The following MMS22L variants were observed in gnomAD, a reference collection of about 807,000 sequenced individuals.
MMS22L encodes protein MMS22-like.
A neutral mutation model predicts 159.1 loss-of-function variants in MMS22L; 74 were observed. The observed-to-expected ratio is 0.47, with a 90% CI of 0.39 to 0.56. The LOEUF is 0.56. Ranked by LOEUF, MMS22L falls within the 20% of genes least tolerant of loss-of-function variation. MMS22L has a pLI of 0.00. For missense variants in MMS22L, 1,351 were observed against 1,422.1 expected, an observed-to-expected ratio of 0.95 and a Z score of 0.80; for synonymous variants, 517 against 506.9, an observed-to-expected ratio of 1.02 and a Z score of -0.27.
chr6:97,204,937 C>CT (rs1222516541), intron 14 of MMS22L, among the ~76,000 whole-genome samples: 2,610 of 52,334 alleles, frequency 0.05, 182 homozygotes, highest in Admixed American at 0.11. Context: ...TGTACAGTGT[C>CT]TTTTTTTTTT....
intron 18 of MMS22L, among the ~76,000 whole-genome samples, chr6:97,177,462 T>C (rs757216469): frequency 6.6e-6 from 1 of 152,146 alleles, no homozygotes; most frequent in Non-Finnish European, 1.5e-5. Context: ...TTATCTAGCA[T>C]TCAGCAAAAA....
At chr6:97,217,656 G>A (rs1809165793) in intron 14 of MMS22L, among the ~76,000 whole-genome samples, 1 of 152,176 alleles carries the variant, frequency 6.6e-6, no homozygotes, top group African/African-American at 2.4e-5. Context: ...TACAACTACA[G>A]ATTATAATCA....
chr6:97,205,439 T>TG (rs1238013907), intron 14 of MMS22L, among the ~76,000 whole-genome samples: 8 of 152,150 alleles, frequency 5.3e-5, no homozygotes, highest in African/African-American at 1.7e-4. Context: ...TGACCAACAG[T>TG]GCCTTAGTTT....
chr6:97,221,836 AGAG>A (rs1809689947), intron 14 of MMS22L, among the ~76,000 whole-genome samples: 1 of 152,048 alleles, frequency 6.6e-6, no homozygotes, highest in African/African-American at 2.4e-5. Context: ...ATATAATGAA[AGAG>A]CAGACATTTT....
intron 14 of MMS22L, among the ~76,000 whole-genome samples, chr6:97,215,006 A>C (rs891935461): frequency 1.1e-4 from 17 of 150,684 alleles, no homozygotes; most frequent in Admixed American, 3.3e-4. Context: ...TCACTTCATA[A>C]ATGGATTAAT....
intron 8 of MMS22L, 140 bp from the exon 9 acceptor site, chr6:97,263,588 TG>T: frequency 2.3e-6 from 1 of 431,982 alleles, no homozygotes. Flanking sequence ...TTATTGAAAA[TG>T]TGCAATTTCA....
intron 4 of MMS22L, among the ~76,000 whole-genome samples, chr6:97,275,803 G>C (rs1816190659): frequency 6.6e-6 from 1 of 152,082 alleles, no homozygotes; most frequent in African/African-American, 2.4e-5. Flanking sequence ...CCAGAAGTTT[G>C]AGACCAGTCT....
intron 22 of MMS22L, among the ~76,000 whole-genome samples, chr6:97,153,241 G>A (rs1355776556): frequency 6.6e-6 from 1 of 151,718 alleles, no homozygotes; most frequent in Non-Finnish European, 1.5e-5. Context: ...AGTATATTCA[G>A]AGTTGTACAA....
At chr6:97,159,591 T>C (rs558425492) in intron 22 of MMS22L, among the ~76,000 whole-genome samples, 47 of 152,006 alleles carry the variant, frequency 3.1e-4, no homozygotes, top group Non-Finnish European at 3.5e-4. Flanking sequence ...ATATCTTAAC[T>C]TCTGCTATAT....
intron 14 of MMS22L, among the ~76,000 whole-genome samples, chr6:97,203,439 T>C (rs1807396643): frequency 6.6e-6 from 1 of 152,196 alleles, no homozygotes; most frequent in Admixed American, 6.5e-5. Context: ...CTGGGAAGGA[T>C]TAGCCTGCTT....
chr6:97,165,589 G>A, intron 20 of MMS22L, 132 bp from the exon 21 acceptor site: 3 of 732,586 alleles, frequency 4.1e-6, no homozygotes, highest in South Asian at 1.9e-5. Flanking sequence ...GATACCTCAC[G>A]TAATCCACAG....
At chr6:97,147,507 C>T (rs1040946820) in intron 24 of MMS22L, among the ~76,000 whole-genome samples, 3 of 152,156 alleles carry the variant, frequency 2.0e-5, no homozygotes, top group African/African-American at 7.2e-5. Context: ...CCTGCATAAC[C>T]ACACAAGGTA....
At chr6:97,201,664 A>G (rs1364287873) in intron 14 of MMS22L, among the ~76,000 whole-genome samples, 17 of 152,226 alleles carry the variant, frequency 1.1e-4, no homozygotes, top group Non-Finnish European at 1.5e-5. Flanking sequence ...GTGTGTGGGA[A>G]GCAATATCTA....
At chr6:97,256,359 T>C (rs1386985022) in intron 9 of MMS22L, among the ~76,000 whole-genome samples, 1 of 152,172 alleles carries the variant, frequency 6.6e-6, no homozygotes, top group Non-Finnish European at 1.5e-5. Flanking sequence ...AGCCGTTTTT[T>C]AATTCCAATA....
intron 11 of MMS22L, among the ~76,000 whole-genome samples, chr6:97,243,162 C>A (rs9488325): frequency 0.76 from 115,054 of 152,136 alleles, 44,513 homozygotes; most frequent in Middle Eastern, 0.84. Flanking sequence ...GATTCCCTCA[C>A]ATAAGTTTTC....
chr6:97,261,036 T>C (rs887765541), intron 9 of MMS22L: 5 of 152,230 alleles, frequency 3.3e-5, no homozygotes, highest in African/African-American at 1.2e-4. Flanking sequence ...GACACTTTTA[T>C]GTTTCTTTCT....
intron 14 of MMS22L, among the ~76,000 whole-genome samples, chr6:97,188,503 C>T (rs186520734): frequency 2.6e-5 from 4 of 152,234 alleles, no homozygotes; most frequent in African/African-American, 9.6e-5. Flanking sequence ...ACGAAGCTAA[C>T]AGTAGGAAAG....
intron 10 of MMS22L, among the ~76,000 whole-genome samples, chr6:97,251,737 C>T (rs1380284754): frequency 6.6e-6 from 1 of 152,140 alleles, no homozygotes; most frequent in Non-Finnish European, 1.5e-5. Flanking sequence ...CATTTACTAT[C>T]TTGATTCAGA....
At chr6:97,267,816 A>C (rs901658789) in intron 8 of MMS22L, 56 bp downstream of exon 8, 5 of 1,431,574 alleles carry the variant, frequency 3.5e-6, no homozygotes, top group Non-Finnish European at 4.6e-6. Context: ...AACGACATGC[A>C]TTAAGGACTG....
Sources: allele counts gnomAD v4.1 joint callset (sites outside exome capture counted in the v4.1 genomes callset), GRCh38; gene constraint gnomAD v4.1.1; transcripts MANE v1.5; gene names NCBI Gene and HGNC (gene_info 2026-07-23, HGNC 2026-07-21).